The following SH3D19 variants were observed in gnomAD, a reference collection of about 807,000 sequenced individuals.
SH3D19 encodes SH3 domain-containing protein 19.
A neutral mutation model predicts 112.1 loss-of-function variants in SH3D19; 58 were observed. The observed-to-expected ratio is 0.52, with a 90% confidence interval of 0.42 to 0.64. SH3D19 has a LOEUF of 0.64. Among genes scored for constraint, SH3D19 ranks in the 30% least tolerant of loss-of-function variants. SH3D19 has a pLI of 0.00. For synonymous variants in SH3D19, 391 were observed against 448.5 expected, an observed-to-expected ratio of 0.87 and a Z score of 1.62; for missense variants, 1,090 against 1,263.4, an observed-to-expected ratio of 0.86 and a Z score of 2.08.
chr4:151,176,497 T>G, intron 6 of SH3D19, 37 bp downstream of exon 6: 1 of 1,231,170 alleles, frequency 8.1e-7, no homozygotes, highest in Non-Finnish European at 1.0e-6. Context: ...TCCCTAGAAC[T>G]AGGTCAGAAT....
At chr4:151,145,482 C>T (rs1225476636) in intron 11 of SH3D19, among the ~76,000 whole-genome samples, 2 of 152,284 alleles carry the variant, frequency 1.3e-5, no homozygotes, top group South Asian at 2.1e-4. Context: ...CGCCCCTGCC[C>T]GCAAGAGAAC....
At chr4:151,209,264 T>C in intron 2 of SH3D19, among the ~76,000 whole-genome samples, 1 of 151,092 alleles carries the variant, frequency 6.6e-6, no homozygotes. Flanking sequence ...AGGCAGAACC[T>C]AAACAATCGA....
intron 1 of SH3D19, among the ~76,000 whole-genome samples, chr4:151,307,563 A>G (rs28532429): frequency 0.31 from 47,197 of 152,176 alleles, 7,705 homozygotes; most frequent in East Asian, 0.47. Flanking sequence ...AGGGCCTGAC[A>G]AAGGGCATCA....
At chr4:151,182,744 T>G (rs761569393) in intron 3 of SH3D19, among the ~76,000 whole-genome samples, 1 of 152,236 alleles carries the variant, frequency 6.6e-6, no homozygotes, top group Non-Finnish European at 1.5e-5. Context: ...TGTTGTCTCA[T>G]GCTCTTTGTG....
intron 2 of SH3D19, among the ~76,000 whole-genome samples, chr4:151,217,871 T>C (rs1767379103): frequency 6.6e-6 from 1 of 152,138 alleles, no homozygotes; most frequent in Non-Finnish European, 1.5e-5. Context: ...TGGTAATACT[T>C]TCTAAATAAG....
intron 7 of SH3D19, among the ~76,000 whole-genome samples, chr4:151,169,289 C>T (rs927062945): frequency 2.0e-5 from 3 of 151,766 alleles, no homozygotes; most frequent in African/African-American, 7.3e-5. Flanking sequence ...TACATGTCTC[C>T]GGGAAAAAAA....
chr4:151,159,160 T>C (rs977535832), intron 9 of SH3D19, 80 bp downstream of exon 9: 4 of 765,238 alleles, frequency 5.2e-6, no homozygotes, highest in Non-Finnish European at 8.1e-6. Flanking sequence ...AGTAATAAAA[T>C]AATTTAGATA....
At chr4:151,245,921 C>T (rs141950752) in intron 1 of SH3D19, among the ~76,000 whole-genome samples, 17 of 151,894 alleles carry the variant, frequency 1.1e-4, no homozygotes, top group Non-Finnish European at 2.4e-4. Flanking sequence ...GAGTCTTTTA[C>T]TGGGACTTGA....
intron 1 of SH3D19, among the ~76,000 whole-genome samples, chr4:151,279,379 TC>T (rs1773966026): frequency 6.6e-6 from 1 of 152,146 alleles, no homozygotes; most frequent in African/African-American, 2.4e-5. Context: ...TAAATGATAT[TC>T]CATGTGTGCT....
rs776436445 is a variant in SH3D19 at position 151,175,108 on chromosome 4, G to A, written c.1096C>T (p.Pro366Ser). 1.2e-6 allele frequency: 2 copies of A among 1,614,120 alleles called. No homozygotes were observed. The highest frequency in any genetic ancestry group is 1.7e-5 in the Admixed American group (1 of 60,018). Residue 366 changes from proline to serine, a missense_variant, in exon 7 of 20, where the codon CCA (proline) becomes TCA (serine). By Grantham distance (74) the Pro-to-Ser change is moderately conservative. Transcript: ENST00000604030. The part of the protein sequence containing the change: ...LKVTSKEGLT[P>S]YPPLQEAGSI... ...CCCGCTTCTTGCAGGGGAGGGTATG[G>A]GGTGAGTCCTTCCTTGGAGGTCACC...
At chr4:151,299,604 A>C (rs974381051) in intron 1 of SH3D19, among the ~76,000 whole-genome samples, 1 of 124,200 alleles carries the variant, frequency 8.1e-6, no homozygotes, top group Non-Finnish European at 1.8e-5. Flanking sequence ...AAAAAAAATT[A>C]AAATCACTGT....
intron 1 of SH3D19, chr4:151,226,606 C>T (rs956633936): frequency 8.0e-6 from 3 of 372,884 alleles, no homozygotes; most frequent in Middle Eastern, 1.4e-3. Flanking sequence ...TTCAATGTTT[C>T]TCCAGTAATT....
chr4:151,235,904 A>T (rs1769997439), intron 1 of SH3D19, among the ~76,000 whole-genome samples: 1 of 152,234 alleles, frequency 6.6e-6, no homozygotes, highest in Non-Finnish European at 1.5e-5. Flanking sequence ...AAAGTCCCTT[A>T]TACAGAGCTT....
At chr4:151,255,404 G>GGCT in intron 1 of SH3D19, among the ~76,000 whole-genome samples, 1 of 151,182 alleles carries the variant, frequency 6.6e-6, no homozygotes, top group South Asian at 2.1e-4. Context: ...GCGGGGCAGA[G>GGCT]GCACTCCCCA....
intron 1 of SH3D19, among the ~76,000 whole-genome samples, chr4:151,246,041 C>CAA (rs34182905): frequency 1.5e-4 from 11 of 75,610 alleles, no homozygotes; most frequent in African/African-American, 3.4e-4. Context: ...TGAAGACATA[C>CAA]AAAAAAAAAA....
intron 1 of SH3D19, among the ~76,000 whole-genome samples, chr4:151,252,171 C>T (rs1313523875): frequency 6.6e-6 from 1 of 152,234 alleles, no homozygotes; most frequent in East Asian, 1.9e-4. Flanking sequence ...ATTTCCTCCT[C>T]TTTGCTGGAT....
At chr4:151,324,463 T>C (rs1182455888) in intron 1 of SH3D19, among the ~76,000 whole-genome samples, 1 of 152,172 alleles carries the variant, frequency 6.6e-6, no homozygotes, top group Non-Finnish European at 1.5e-5. Context: ...ATAACTCGGA[T>C]TACCCAGTTG....
chr4:151,248,771 C>T (rs1444780936), intron 1 of SH3D19, among the ~76,000 whole-genome samples: 2 of 152,100 alleles, frequency 1.3e-5, no homozygotes, highest in African/African-American at 4.8e-5. Flanking sequence ...TTCCTCTTAC[C>T]TCTTTCTTTC....
chr4:151,135,099 C>T lies in SH3D19; in HGVS notation c.2461G>A (p.Glu821Lys). The change falls in exon 15 of 20, where the codon GAA becomes AAA. Residue 821 changes from glutamate (E) to lysine (K), a missense_variant. Glu to Lys is a moderately conservative substitution (Grantham distance 56). Transcript: ENST00000604030. ...TTAACACAATGAGATGAAACACATT[C>T]TCTTTTCCCATTTCCTCCTTCTGGG... ...DIPEGGNGKR[E>K]CVSSHCVKGS... 1.2e-6 allele frequency: 2 copies of T among 1,605,584 alleles called. No homozygotes were observed. The highest frequency in any genetic ancestry group is 2.3e-5 in the East Asian group (1 of 44,364).
Sources: gnomAD v4.1 joint callset for allele counts (sites outside exome capture counted in the v4.1 genomes callset) on GRCh38, gnomAD v4.1.1 for gene constraint, MANE v1.5 for transcripts, NCBI Gene and HGNC (gene_info 2026-07-23, HGNC 2026-07-21) for gene names.